The following KHDRBS3 variants were observed in gnomAD, a reference collection of about 807,000 sequenced individuals.
KHDRBS3 encodes the protein KH RNA binding domain containing, signal transduction associated 3, also known as KH domain-containing, RNA-binding, signal transduction-associated protein 3.
A neutral mutation model predicts 45.6 loss-of-function variants in KHDRBS3; 23 were observed. The observed-to-expected ratio is 0.50, with a 90% confidence interval of 0.36 to 0.72. The LOEUF (loss-of-function observed/expected upper bound fraction) is 0.72. Among genes scored for constraint, KHDRBS3 ranks in the 30% least tolerant of loss-of-function variants. The pLI, the probability that KHDRBS3 is intolerant of heterozygous loss-of-function variation, is 0.00. For synonymous variants in KHDRBS3, 162 were observed against 156.5 expected, an observed-to-expected ratio of 1.04 and a Z score of -0.26; for missense variants, 352 against 424.8, an observed-to-expected ratio of 0.83 and a Z score of 1.51.
chr8:135,629,365 G>T (rs557533419), intron 7 of KHDRBS3, among the ~76,000 whole-genome samples: 9 of 152,284 alleles, frequency 5.9e-5, no homozygotes, highest in African/African-American at 1.9e-4. Context: ...TATCAGCCTG[G>T]CTGTAAGACA....
intron 3 of KHDRBS3, among the ~76,000 whole-genome samples, chr8:135,546,061 C>T (rs554615061): frequency 1.4e-4 from 22 of 152,004 alleles, no homozygotes; most frequent in African/African-American, 4.3e-4. Context: ...TGCTTGAACC[C>T]GGGAGGCAGA....
Position 135,478,020 on chromosome 8 carries a change from T to A in KHDRBS3, c.88+20066T>A, listed in dbSNP as rs1822380050. 3.9e-5 allele frequency among the ~76,000 whole-genome samples: 6 copies of A among 152,000 alleles called. No homozygotes were observed. The South Asian group carries it at 1.2e-3, about 32-fold the overall frequency. Reference sequence around the variant, plus strand: ...CACCGGCATTAGAGTCTCATAGGAGTACAAACCCTGCTGTGAACTGCACAT... The same window carrying A: ...CACCGGCATTAGAGTCTCATAGGAGAACAAACCCTGCTGTGAACTGCACAT... On this transcript the variant is annotated intron_variant, in intron 1 of 8. Coordinates refer to ENST00000355849, the MANE Select transcript of KHDRBS3 (RefSeq NM_006558.3).
At chr8:135,489,759 A>G (rs147800918) in intron 1 of KHDRBS3, among the ~76,000 whole-genome samples, 1,629 of 152,302 alleles carry the variant, frequency 0.011, 17 homozygotes, top group Non-Finnish European at 0.018. Flanking sequence ...AGTTATAGTA[A>G]GGTAATATGA....
intron 6 of KHDRBS3, among the ~76,000 whole-genome samples, chr8:135,595,471 A>G (rs1173510828): frequency 6.6e-6 from 1 of 152,248 alleles, no homozygotes; most frequent in African/African-American, 2.4e-5. Flanking sequence ...AGAATAACAC[A>G]TCTTCCTTCA....
intron 7 of KHDRBS3, among the ~76,000 whole-genome samples, chr8:135,627,929 T>G (rs1476101779): frequency 6.6e-6 from 1 of 152,230 alleles, no homozygotes; most frequent in Non-Finnish European, 1.5e-5. Context: ...AATCTACACT[T>G]GGCATTCGGA....
At chr8:135,482,243 T>C (rs1421431561) in intron 1 of KHDRBS3, among the ~76,000 whole-genome samples, 1 of 152,206 alleles carries the variant, frequency 6.6e-6, no homozygotes, top group Non-Finnish European at 1.5e-5. Context: ...GCTGATTAAC[T>C]TATTATAGTG....
intron 4 of KHDRBS3, among the ~76,000 whole-genome samples, chr8:135,550,845 C>T (rs1414327809): frequency 6.6e-6 from 1 of 151,954 alleles, no homozygotes; most frequent in Admixed American, 6.6e-5. Flanking sequence ...TTGAGTTTTC[C>T]AATCCAGGAA....
rs569028339 is a variant in KHDRBS3, at chr8:135,552,604, G to A, written c.471+3704G>A. Among the ~76,000 whole-genome samples, 7 of 152,060 alleles carry A rather than the reference G, an allele frequency of 4.6e-5. No homozygotes were observed. In the East Asian group the frequency reaches 1.4e-3, roughly 29 times the overall value. ...CGATAACATAGCAAACCTGTAATCT[G>A]ATGTATTTTCTTCCCAGAGGAGTTT... On this transcript the variant is annotated intron_variant, in intron 4 of 8. Transcript: ENST00000355849.
chr8:135,606,887 AAGC>A (rs1829488942), intron 6 of KHDRBS3, 65 bp from the exon 7 acceptor site: 1 of 1,230,598 alleles, frequency 8.1e-7, no homozygotes, highest in Admixed American at 1.8e-5. Context: ...AATTCACTAA[AAGC>A]AGAATGCTTC....
chr8:135,517,714 G>C (rs536154850), intron 1 of KHDRBS3, among the ~76,000 whole-genome samples: 1 of 152,288 alleles, frequency 6.6e-6, no homozygotes, highest in African/African-American at 2.4e-5. Flanking sequence ...AACCAGGTCT[G>C]TTTGACTCCC....
At position 135,573,856 on chromosome 8, in the gene KHDRBS3, C is replaced by G. The variant is rs550499111; in HGVS notation, c.612-8022C>G. On this transcript the variant is annotated intron_variant, in intron 5 of 8. Coordinates refer to ENST00000355849, the MANE Select transcript of KHDRBS3 (RefSeq NM_006558.3). Reference sequence around the variant, plus strand: ...AACCGTGTCACCCTGCTGAAAAACCCAAAAAGAAAGAATTATTGCATTGTA... The same window carrying G: ...AACCGTGTCACCCTGCTGAAAAACCGAAAAAGAAAGAATTATTGCATTGTA... Among the ~76,000 whole-genome samples, 16 of 152,162 alleles carry G rather than the reference C, an allele frequency of 1.1e-4. No homozygotes were observed. The South Asian group carries it at 2.1e-3, about 20-fold the overall frequency.
At chr8:135,513,327 G>C (rs147684036) in intron 1 of KHDRBS3, among the ~76,000 whole-genome samples, 48 of 152,268 alleles carry the variant, frequency 3.2e-4, no homozygotes, top group African/African-American at 1.1e-3. Context: ...TACGGTATTT[G>C]GCAAATGCCT....
At chr8:135,500,671 A>G (rs1823694167) in intron 1 of KHDRBS3, among the ~76,000 whole-genome samples, 1 of 152,146 alleles carries the variant, frequency 6.6e-6, no homozygotes, top group Admixed American at 6.5e-5. Flanking sequence ...TATGACAAAA[A>G]CCAAAAGAGA....
At chr8:135,577,270 G>T (rs971688863) in intron 5 of KHDRBS3, among the ~76,000 whole-genome samples, 25 of 152,062 alleles carry the variant, frequency 1.6e-4, no homozygotes, top group African/African-American at 5.6e-4. Context: ...TAATATTGTG[G>T]TTTTTAGTGT....
intron 1 of KHDRBS3, among the ~76,000 whole-genome samples, chr8:135,506,154 T>C (rs1234001123): frequency 6.6e-6 from 1 of 152,212 alleles, no homozygotes; most frequent in Admixed American, 6.5e-5. Flanking sequence ...TCATCAAGTC[T>C]CACCATGCTT....
chr8:135,554,018 G>A (rs961907125), intron 4 of KHDRBS3, among the ~76,000 whole-genome samples: 2 of 152,108 alleles, frequency 1.3e-5, no homozygotes, highest in Non-Finnish European at 2.9e-5. Flanking sequence ...TATCAACAGT[G>A]TCCATTTGAC....
At chr8:135,523,382 A>G (rs1404725134) in intron 2 of KHDRBS3, among the ~76,000 whole-genome samples, 4 of 152,050 alleles carry the variant, frequency 2.6e-5, no homozygotes, top group African/African-American at 9.7e-5. Context: ...TTTTGACACT[A>G]TCGTAAATTG....
At chr8:135,502,705 G>A (rs955087262) in intron 1 of KHDRBS3, among the ~76,000 whole-genome samples, 32 of 152,104 alleles carry the variant, frequency 2.1e-4, no homozygotes, top group Admixed American at 1.0e-3. Context: ...TTTCCAACCC[G>A]TCGAGCTGCT....
intron 7 of KHDRBS3, among the ~76,000 whole-genome samples, chr8:135,644,460 G>A (rs1045443928): frequency 4.6e-5 from 7 of 152,204 alleles, no homozygotes; most frequent in Non-Finnish European, 1.0e-4. Flanking sequence ...CTTCCGGATG[G>A]TGATGCAACA....
Sources: gnomAD v4.1 joint callset for allele counts (sites outside exome capture counted in the v4.1 genomes callset) on GRCh38, gnomAD v4.1.1 for gene constraint, MANE v1.5 for transcripts, NCBI Gene and HGNC (gene_info 2026-07-23, HGNC 2026-07-21) for gene names.